Variants in SUGCT observed in about 807,000 individuals in gnomAD.
The protein encoded by SUGCT is succinyl-CoA:glutarate CoA-transferase.
A neutral mutation model predicts 55.0 loss-of-function variants in SUGCT; 41 were observed. That is an observed-to-expected ratio of 0.74 (90% confidence interval 0.58 to 0.97). The LOEUF is 0.97. SUGCT is among the 50% of genes least tolerant of loss of function. SUGCT has a pLI of 0.00. For synonymous variants in SUGCT, 187 were observed against 200.4 expected, an observed-to-expected ratio of 0.93 and a Z score of 0.56; for missense variants, 568 against 547.8, an observed-to-expected ratio of 1.04 and a Z score of -0.37.
the SUGCT span, among the ~76,000 whole-genome samples, chr7:40,895,927 C>T: frequency 1.3e-5 from 2 of 152,062 alleles, no homozygotes; most frequent in African/African-American, 2.4e-5. Context: ...AACTTTTCCC[C>T]TAGGATTGGA....
chr7:40,284,207 T>A (rs1197882097), intron 8 of SUGCT, among the ~76,000 whole-genome samples: 1 of 152,102 alleles, frequency 6.6e-6, no homozygotes, highest in Non-Finnish European at 1.5e-5. Context: ...ATGGGATGAA[T>A]AAGTTCTGGA....
chr7:40,747,067 G>A (rs1435721269), intron 12 of SUGCT, among the ~76,000 whole-genome samples: 1 of 152,160 alleles, frequency 6.6e-6, no homozygotes, highest in Non-Finnish European at 1.5e-5. Flanking sequence ...TGTGCGGGGC[G>A]GGTGCTGAGA....
At chr7:40,508,334 A>G (rs1490796163) in intron 12 of SUGCT, among the ~76,000 whole-genome samples, 1 of 152,030 alleles carries the variant, frequency 6.6e-6, no homozygotes, top group Non-Finnish European at 1.5e-5. Flanking sequence ...ATGTGTGGGG[A>G]TGGGATGGGG....
chr7:40,940,826 G>C, the SUGCT span, among the ~76,000 whole-genome samples: 1 of 151,838 alleles, frequency 6.6e-6, no homozygotes, highest in African/African-American at 2.4e-5. Flanking sequence ...TTTCTAGACA[G>C]TTGGATATCC....
At chr7:40,523,073 A>G (rs975124087) in intron 12 of SUGCT, among the ~76,000 whole-genome samples, 1 of 152,122 alleles carries the variant, frequency 6.6e-6, no homozygotes, top group Admixed American at 6.6e-5. Context: ...GATAGTGTCA[A>G]TGGAATTAAG....
chr7:40,970,445 T>C, the SUGCT span, among the ~76,000 whole-genome samples: 1 of 152,226 alleles, frequency 6.6e-6, no homozygotes, highest in Non-Finnish European at 1.5e-5. Context: ...ATGCTGGGAC[T>C]ACAGGCATGA....
At chr7:40,474,679 G>A (rs1025601256) in intron 11 of SUGCT, among the ~76,000 whole-genome samples, 2 of 152,134 alleles carry the variant, frequency 1.3e-5, no homozygotes, top group African/African-American at 4.8e-5. Context: ...AGCCTCTACA[G>A]CTCTGAGTGT....
At chr7:40,145,509 CTTT>C (rs35917913) in intron 1 of SUGCT, among the ~76,000 whole-genome samples, 3 of 144,998 alleles carry the variant, frequency 2.1e-5, no homozygotes, top group Non-Finnish European at 1.5e-5. Context: ...CTCCTCCCCA[CTTT>C]TTTTTTTTTT....
At chr7:40,202,929 C>T (rs769946709) in intron 6 of SUGCT, among the ~76,000 whole-genome samples, 5 of 152,130 alleles carry the variant, frequency 3.3e-5, no homozygotes, top group East Asian at 1.9e-4. Flanking sequence ...CAGTTTATTC[C>T]GAACTCTTAG....
intron 12 of SUGCT, among the ~76,000 whole-genome samples, chr7:40,573,025 G>A (rs1249325706): frequency 6.6e-6 from 1 of 152,132 alleles, no homozygotes; most frequent in Non-Finnish European, 1.5e-5. Flanking sequence ...CCCCCACAAT[G>A]TCTAAACACA....
rs182491984 is a variant in SUGCT at position 40,720,043 on chromosome 7, C to T, written c.1090-29391C>T. On this transcript the variant is annotated intron_variant, in intron 12 of 13. Transcript: ENST00000335693. The stretch of plus-strand genomic sequence containing the variant: ...TCAAGTGATCCACCTGCCTCGGCCT[C>T]CCAAAGTGCTGGGATTACAGGCGTG... Among the ~76,000 whole-genome samples, 901 of 152,246 alleles carry T rather than the reference C, an allele frequency of 5.9e-3. 4 individuals carry two copies. Among genetic ancestry groups the T allele is most frequent in the Middle Eastern group, 0.01 (3 of 294 alleles).
intron 6 of SUGCT, among the ~76,000 whole-genome samples, chr7:40,213,863 C>T (rs1787479647): frequency 6.6e-6 from 1 of 152,174 alleles, no homozygotes; most frequent in Non-Finnish European, 1.5e-5. Context: ...GTCTTTCTGA[C>T]ATGCCTCTAT....
intron 9 of SUGCT, among the ~76,000 whole-genome samples, chr7:40,357,440 C>A (rs142702474): frequency 3.2e-4 from 49 of 152,204 alleles, no homozygotes; most frequent in African/African-American, 1.1e-3. Flanking sequence ...AAAAATGTGA[C>A]CCTACCACAT....
At chr7:40,529,452 G>C (rs988849947) in intron 12 of SUGCT, among the ~76,000 whole-genome samples, 1 of 152,202 alleles carries the variant, frequency 6.6e-6, no homozygotes, top group South Asian at 2.1e-4. Flanking sequence ...TCACCAACAG[G>C]TGCAGTGGCA....
intron 9 of SUGCT, among the ~76,000 whole-genome samples, chr7:40,431,978 A>G (rs889232915): frequency 6.6e-6 from 1 of 151,846 alleles, no homozygotes; most frequent in African/African-American, 2.4e-5. Context: ...AGATAGGGAT[A>G]TTTTTACTTC....
chr7:40,989,198 C>T, the SUGCT span, among the ~76,000 whole-genome samples: 1 of 152,144 alleles, frequency 6.6e-6, no homozygotes, highest in Non-Finnish European at 1.5e-5. Context: ...TTTGCTGCAT[C>T]TATTGACTTT....
intron 12 of SUGCT, among the ~76,000 whole-genome samples, chr7:40,679,701 T>G (rs1407994215): frequency 6.6e-6 from 1 of 152,170 alleles, no homozygotes; most frequent in Admixed American, 6.5e-5. Context: ...AATTTATGAT[T>G]AAAAAAGCCC....
chr7:40,776,965 T>C (rs1759793378), intron 13 of SUGCT, among the ~76,000 whole-genome samples: 1 of 152,210 alleles, frequency 6.6e-6, no homozygotes, highest in Non-Finnish European at 1.5e-5. Flanking sequence ...TTGGTTTTTC[T>C]CCTCAGGAAG....
At chr7:40,262,029 G>T (rs73316566) in intron 7 of SUGCT, among the ~76,000 whole-genome samples, 1 of 152,086 alleles carries the variant, frequency 6.6e-6, no homozygotes, top group Non-Finnish European at 1.5e-5. Flanking sequence ...GGACAGACAG[G>T]CTAGATGATA....
Sources: allele counts gnomAD v4.1 joint callset (sites outside exome capture counted in the v4.1 genomes callset), GRCh38; gene constraint gnomAD v4.1.1; transcripts MANE v1.5; gene names NCBI Gene and HGNC (gene_info 2026-07-23, HGNC 2026-07-21).